Variants in SIPA1L1 observed in about 807,000 individuals in gnomAD.
The protein encoded by SIPA1L1 is signal induced proliferation associated 1 like 1, also known as signal-induced proliferation-associated 1-like protein 1.
SIPA1L1 carries 26 observed loss-of-function variants against 162.7 expected under a neutral mutation model. The observed-to-expected ratio is 0.16, with a 90% CI of 0.12 to 0.22. SIPA1L1 has a LOEUF of 0.22. Ranked by LOEUF, SIPA1L1 falls within the 10% of genes least tolerant of loss-of-function variation. The probability of loss-of-function intolerance (pLI) is 1.00; values close to 1 mark genes in which losing one functional copy is unlikely to be tolerated. For missense variants in SIPA1L1, 1,874 were observed against 2,241.0 expected (o/e 0.84, Z 3.31); for synonymous variants, 829 against 837.4 (o/e 0.99, Z 0.17).
At chr14:71,696,261 T>C (rs4140797) in intron 13 of SIPA1L1, among the ~76,000 whole-genome samples, 127,526 of 152,228 alleles carry the variant, frequency 0.84, 54,024 homozygotes, top group African/African-American at 0.95. Context: ...GAAACCCTGC[T>C]TCTTTCTTCT....
At chr14:71,445,035 T>G (rs1567032521) in intron 2 of SIPA1L1, among the ~76,000 whole-genome samples, 3 of 152,184 alleles carry the variant, frequency 2.0e-5, no homozygotes. Flanking sequence ...GTATAAAATA[T>G]TTGTGATATG....
chr14:71,391,818 T>A (rs2040784164), intron 2 of SIPA1L1, among the ~76,000 whole-genome samples: 1 of 152,156 alleles, frequency 6.6e-6, no homozygotes, highest in African/African-American at 2.4e-5. Context: ...GGGAGGACCG[T>A]AGCAAGTGAT....
chr14:71,543,841 T>TGTATGTGTATATATACATATATCATAC (rs751071585), intron 4 of SIPA1L1, among the ~76,000 whole-genome samples: 28 of 149,440 alleles, frequency 1.9e-4, no homozygotes, highest in Admixed American at 2.7e-4. Context: ...ATATATCATA[T>TGTATGTGTATATATACATATATCATAC]GTATGTGTAT....
chr14:71,526,898 G>T (rs1175892324), intron 3 of SIPA1L1, among the ~76,000 whole-genome samples: 3 of 152,154 alleles, frequency 2.0e-5, no homozygotes, highest in Non-Finnish European at 2.9e-5. Flanking sequence ...TTGCTAGGTT[G>T]CAGGGTATGT....
intron 6 of SIPA1L1, among the ~76,000 whole-genome samples, chr14:71,622,830 T>A (rs1321797178): frequency 1.3e-5 from 2 of 152,178 alleles, no homozygotes; most frequent in Non-Finnish European, 2.9e-5. Context: ...AGGAGCCCAG[T>A]GAGGCGTGTA....
At chr14:71,544,158 T>C (rs563057586) in intron 4 of SIPA1L1, among the ~76,000 whole-genome samples, 7 of 151,202 alleles carry the variant, frequency 4.6e-5, no homozygotes, top group East Asian at 3.9e-4. Flanking sequence ...CACGTGTGTG[T>C]ATATGTACAT....
chr14:71,544,091 A>G (rs746411564), intron 4 of SIPA1L1, among the ~76,000 whole-genome samples: 2 of 150,834 alleles, frequency 1.3e-5, no homozygotes, highest in East Asian at 1.9e-4. Flanking sequence ...GTATGTATAT[A>G]CACACGCACA....
intron 11 of SIPA1L1, among the ~76,000 whole-genome samples, 172 bp downstream of exon 11, chr14:71,671,864 C>T (rs1054949673): frequency 3.3e-5 from 5 of 150,758 alleles, no homozygotes; most frequent in Non-Finnish European, 5.9e-5. Context: ...ATGGATGTTT[C>T]GGAAAAGTAG....
At chr14:71,565,630 C>T (rs1257051820) in intron 4 of SIPA1L1, among the ~76,000 whole-genome samples, 1 of 152,110 alleles carries the variant, frequency 6.6e-6, no homozygotes, top group Non-Finnish European at 1.5e-5. Flanking sequence ...GTTGTCAAAT[C>T]CTGTATCATT....
chr14:71,599,660 T>C (rs1215576120), intron 5 of SIPA1L1, among the ~76,000 whole-genome samples: 2 of 152,202 alleles, frequency 1.3e-5, no homozygotes, highest in African/African-American at 4.8e-5. Flanking sequence ...CAGTAGTGAT[T>C]GCTGGACTGT....
intron 13 of SIPA1L1, among the ~76,000 whole-genome samples, chr14:71,696,100 C>G (rs2081604500): frequency 1.3e-5 from 2 of 152,124 alleles, no homozygotes; most frequent in African/African-American, 4.8e-5. Context: ...GAGCTAGTAT[C>G]CCACTAGTAC....
At chr14:71,710,857 G>A (rs1391289649) in intron 17 of SIPA1L1, among the ~76,000 whole-genome samples, 1 of 150,524 alleles carries the variant, frequency 6.6e-6, no homozygotes, top group Non-Finnish European at 1.5e-5. Flanking sequence ...AAGTAATAGA[G>A]AGGCTTAATT....
Position 71,365,730 on chromosome 14 carries a change from AT to A in SIPA1L1, c.-465+44564del, listed in dbSNP as rs745583708. On this transcript the variant is annotated intron_variant, in intron 2 of 23. Transcript: ENST00000381232. ...TTTTTATCAGGCAAGGCTATTAAGT[AT>A]TTTTTTTTTTTTTTAGCAGGGTCTG... Among the ~76,000 whole-genome samples the A allele has an allele frequency of 7.4e-3, 1,044 of 140,148 alleles. 2 individuals are homozygous for A. Among genetic ancestry groups the A allele is most frequent in the Non-Finnish European group, 6.9e-3 (438 of 63,744 alleles). 91.9% of individuals were successfully genotyped at this position (140,148 alleles called of 152,430 possible).
chr14:71,568,565 C>A (rs2031268962), intron 4 of SIPA1L1, among the ~76,000 whole-genome samples: 1 of 152,152 alleles, frequency 6.6e-6, no homozygotes, highest in Non-Finnish European at 1.5e-5. Flanking sequence ...AGGTCCCAAT[C>A]CAGACCCCAA....
At chr14:71,601,363 C>T (rs1158743007) in intron 5 of SIPA1L1, among the ~76,000 whole-genome samples, 2 of 152,060 alleles carry the variant, frequency 1.3e-5, no homozygotes, top group Non-Finnish European at 2.9e-5. Context: ...TGGTTTTTGT[C>T]CTCCATTCAG....
In SIPA1L1 at chr14:71,609,351, C is replaced by G. The variant is rs564397898; in HGVS notation, c.1499-9406C>G. On this transcript the variant is annotated intron_variant, in intron 5 of 23. Coordinates refer to ENST00000381232, the MANE Select transcript of SIPA1L1 (RefSeq NM_001386936.1). ...TGGCATAATCACAGCTCACTGCCAC[C>G]TTGATCTCCTGGGTTCAAGTGCTCA... Among the ~76,000 whole-genome samples, 27 of 152,180 alleles carry G rather than the reference C, an allele frequency of 1.8e-4. 1 individual carries two copies. The highest frequency in any genetic ancestry group is 2.6e-4 in the Non-Finnish European group (18 of 68,028).
intron 2 of SIPA1L1, among the ~76,000 whole-genome samples, chr14:71,357,313 A>G (rs1041242153): frequency 2.6e-5 from 4 of 152,136 alleles, no homozygotes; most frequent in Non-Finnish European, 4.4e-5. Context: ...TCGAAATCAC[A>G]TGGTCCAACA....
At chr14:71,575,956 T>C (rs910058711) in intron 4 of SIPA1L1, among the ~76,000 whole-genome samples, 10 of 152,236 alleles carry the variant, frequency 6.6e-5, no homozygotes, top group African/African-American at 1.4e-4. Context: ...AACACAGATA[T>C]GTGTGAAATA....
chr14:71,326,450 C>A (rs1180424282), intron 2 of SIPA1L1, among the ~76,000 whole-genome samples: 2 of 151,874 alleles, frequency 1.3e-5, no homozygotes, highest in South Asian at 4.1e-4. Context: ...CTTAGGTGAT[C>A]CGCCTGCCTC....
Sources: allele counts gnomAD v4.1 joint callset (sites outside exome capture counted in the v4.1 genomes callset), GRCh38; gene constraint gnomAD v4.1.1; transcripts MANE v1.5; gene names NCBI Gene and HGNC (gene_info 2026-07-23, HGNC 2026-07-21).